GRIP1: variants seen among roughly 807,000 people sequenced by gnomAD.
The protein encoded by GRIP1 is glutamate receptor interacting protein 1.
Under a neutral mutation model 129.9 loss-of-function variants are expected in GRIP1, and 45 were observed. That is an observed-to-expected ratio of 0.35 (90% CI 0.27 to 0.44). GRIP1 has a LOEUF of 0.44. GRIP1 is among the 20% of genes least tolerant of loss of function. The probability of loss-of-function intolerance (pLI) is 1.00; values close to 1 mark genes in which losing one functional copy is unlikely to be tolerated. For synonymous variants in GRIP1, 530 were observed against 520.8 expected (o/e 1.02, Z -0.24); for missense variants, 1,196 against 1,396.8 (o/e 0.86, Z 2.29).
At chr12:66,972,364 G>A (rs1484252774) in intron 1 of GRIP1, among the ~76,000 whole-genome samples, 1 of 152,142 alleles carries the variant, frequency 6.6e-6, no homozygotes, top group East Asian at 1.9e-4. Context: ...AGTTTTGTTA[G>A]AAATGAGCTG....
At chr12:66,542,145 T>A (rs1461301940) in intron 2 of GRIP1, among the ~76,000 whole-genome samples, 195 bp from the exon 3 acceptor site, 1 of 151,650 alleles carries the variant, frequency 6.6e-6, no homozygotes, top group East Asian at 1.9e-4. Context: ...TTAGAGGTTA[T>A]GAAAATGGGC....
At chr12:67,000,220 G>A (rs904721993) in intron 1 of GRIP1, among the ~76,000 whole-genome samples, 2 of 152,014 alleles carry the variant, frequency 1.3e-5, no homozygotes, top group Non-Finnish European at 2.9e-5. Flanking sequence ...AAGTACTACA[G>A]GGCAAAAGGA....
At chr12:67,012,715 T>C (rs1471782378) in intron 1 of GRIP1, among the ~76,000 whole-genome samples, 1 of 152,170 alleles carries the variant, frequency 6.6e-6, no homozygotes, top group Non-Finnish European at 1.5e-5. Flanking sequence ...CTGTGAATTG[T>C]TTTCTTATCA....
At chr12:66,994,795 A>G (rs1340612484) in intron 1 of GRIP1, among the ~76,000 whole-genome samples, 2 of 152,066 alleles carry the variant, frequency 1.3e-5, no homozygotes, top group African/African-American at 4.8e-5. Flanking sequence ...ATTTAAAATA[A>G]TCATTATCAA....
intron 1 of GRIP1, among the ~76,000 whole-genome samples, chr12:66,657,244 T>C (rs1008974328): frequency 9.9e-5 from 15 of 151,924 alleles, no homozygotes; most frequent in Non-Finnish European, 1.3e-4. Flanking sequence ...AAGATGATGA[T>C]GAGAAGTAGC....
chr12:66,589,833 G>T (rs976550102), intron 2 of GRIP1, among the ~76,000 whole-genome samples: 1 of 152,078 alleles, frequency 6.6e-6, no homozygotes, highest in East Asian at 1.9e-4. Context: ...TAAGAAAAGA[G>T]TATTAATAGG....
intron 1 of GRIP1, among the ~76,000 whole-genome samples, chr12:66,942,894 T>C (rs2041610006): frequency 6.6e-6 from 1 of 152,194 alleles, no homozygotes; most frequent in African/African-American, 2.4e-5. Context: ...CTCCGGTCTC[T>C]ACCGTGTGAG....
intron 1 of GRIP1, among the ~76,000 whole-genome samples, chr12:66,687,974 A>G (rs1003034982): frequency 2.0e-5 from 3 of 152,218 alleles, no homozygotes; most frequent in Admixed American, 6.5e-5. Context: ...ATGGCAGGCT[A>G]TGTACTTGGA....
At chr12:66,881,247 T>TC (rs1323577970) in intron 1 of GRIP1, among the ~76,000 whole-genome samples, 2 of 151,166 alleles carry the variant, frequency 1.3e-5, no homozygotes, top group Non-Finnish European at 3.0e-5. Context: ...GTGTAGAGCT[T>TC]CCTTTTTTTC....
Position 66,541,867 on chromosome 12 carries a change from T to C in GRIP1, c.220A>G (p.Lys74Glu), listed in dbSNP as rs1341376653. ...TTAGATACTCTTGGCTTGCCATCCT[T>C]ATCAATTCCTCCCGATACCGTCAGA... ...LGLTVSGGID[K>E]DGKPRVSNLR... The change falls in exon 3 of 25, where the codon AAG becomes GAG. Residue 74 changes from lysine to glutamate, a missense_variant. By Grantham distance (56) the Lys-to-Glu change is moderately conservative. Around this residue, in one of 5 missense-constraint regions of GRIP1, gnomAD observed 217 missense variants for 224.8 expected, o/e 0.97. Coordinates refer to ENST00000359742, the MANE Select transcript of GRIP1 (RefSeq NM_001366722.1). The C allele has an allele frequency of 6.2e-7, 1 of 1,613,950 alleles. No homozygotes were observed. Among genetic ancestry groups the C allele is most frequent in the Non-Finnish European group, 8.5e-7 (1 of 1,179,946 alleles).
intron 1 of GRIP1, among the ~76,000 whole-genome samples, chr12:66,846,353 G>C (rs530325597): frequency 6.6e-6 from 1 of 152,050 alleles, no homozygotes; most frequent in Non-Finnish European, 1.5e-5. Context: ...CTTAGTGAAT[G>C]GACCCTTTTA....
intron 2 of GRIP1, among the ~76,000 whole-genome samples, chr12:66,561,634 A>T (rs1219332527): frequency 6.6e-6 from 1 of 152,152 alleles, no homozygotes; most frequent in Non-Finnish European, 1.5e-5. Context: ...GCCCTAAAAA[A>T]CCAGCCCTAT....
intron 1 of GRIP1, among the ~76,000 whole-genome samples, chr12:66,955,504 G>GTTTTTT (rs71088226): frequency 2.6e-5 from 3 of 114,538 alleles, no homozygotes; most frequent in African/African-American, 3.6e-5. Context: ...TACTTTTTTG[G>GTTTTTT]TTTTTTTTTT....
intron 1 of GRIP1, among the ~76,000 whole-genome samples, chr12:66,603,720 G>A (rs546641630): frequency 3.9e-5 from 6 of 152,190 alleles, no homozygotes; most frequent in Non-Finnish European, 8.8e-5. Context: ...TGATCAAATT[G>A]CTCATGGAAT....
chr12:67,020,302 C>A (rs561649888), intron 1 of GRIP1, among the ~76,000 whole-genome samples: 1 of 152,226 alleles, frequency 6.6e-6, no homozygotes, highest in Admixed American at 6.5e-5. Context: ...TTTAAGCCTG[C>A]ATATAACAAA....
chr12:66,515,802 G>A, intron 6 of GRIP1, 38 bp from the exon 7 acceptor site: 1 of 1,569,844 alleles, frequency 6.4e-7, no homozygotes, highest in Non-Finnish European at 8.8e-7. Context: ...GATTAATTTA[G>A]CATAATGGGG....
chr12:66,409,215 G>A (rs1327255985), intron 15 of GRIP1, among the ~76,000 whole-genome samples: 2 of 152,186 alleles, frequency 1.3e-5, no homozygotes, highest in African/African-American at 4.8e-5. Context: ...GGCAGCCATA[G>A]TTGAGACCTA....
At chr12:66,920,960 T>C (rs1053946227) in intron 1 of GRIP1, among the ~76,000 whole-genome samples, 4 of 152,240 alleles carry the variant, frequency 2.6e-5, no homozygotes, top group African/African-American at 9.6e-5. Flanking sequence ...CATCCTGTCA[T>C]TCTCTTTCAT....
chr12:66,958,110 C>T (rs2137521933), intron 1 of GRIP1, among the ~76,000 whole-genome samples: 1 of 152,220 alleles, frequency 6.6e-6, no homozygotes, highest in African/African-American at 2.4e-5. Context: ...TCTTGTGTCT[C>T]TTTGAATGAA....
Sources: allele counts gnomAD v4.1 joint callset (sites outside exome capture counted in the v4.1 genomes callset), GRCh38; gene constraint gnomAD v4.1.1; regional missense constraint gnomAD v4.1.1; transcripts MANE v1.5; gene names NCBI Gene and HGNC (gene_info 2026-07-23, HGNC 2026-07-21).